CTNNA2: variants seen among roughly 807,000 people sequenced by gnomAD.
CTNNA2 encodes catenin alpha 2, also known as catenin alpha-2.
In CTNNA2, 42 loss-of-function variants were observed where a neutral mutation model predicts 101.0. The ratio of observed to expected loss-of-function variants is 0.42; its 90% CI spans 0.32 to 0.54. The LOEUF (loss-of-function observed/expected upper bound fraction) is 0.54, where lower values mean the gene tolerates loss of function less well. Among genes scored for constraint, CTNNA2 ranks in the 20% least tolerant of loss-of-function variants. CTNNA2 has a pLI of 0.14. For synonymous variants in CTNNA2, 450 were observed against 456.4 expected, an observed-to-expected ratio of 0.99 and a Z score of 0.18; for missense variants, 871 against 1,223.1, an observed-to-expected ratio of 0.71 and a Z score of 4.29.
At chr2:80,615,791 A>G (rs573967007) in intron 17 of CTNNA2, among the ~76,000 whole-genome samples, 9 of 151,664 alleles carry the variant, frequency 5.9e-5, no homozygotes, top group Non-Finnish European at 1.0e-4. Context: ...GAAAAGAAAT[A>G]TGTGCCACTT....
At chr2:79,643,885 T>C (rs541183219) in intron 1 of CTNNA2, among the ~76,000 whole-genome samples, 1 of 152,132 alleles carries the variant, frequency 6.6e-6, no homozygotes, top group Non-Finnish European at 1.5e-5. Context: ...TTTTCCATGC[T>C]TTTTATGTGG....
At chr2:79,503,281 AC>A (rs1301239461) in intron 4 of CTNNA2, among the ~76,000 whole-genome samples, 9 of 152,210 alleles carry the variant, frequency 5.9e-5, no homozygotes, top group African/African-American at 2.2e-4. Context: ...TTAGGGTAAA[AC>A]AATATCATAT....
At chr2:80,149,023 AT>A (rs34431691) in intron 7 of CTNNA2, among the ~76,000 whole-genome samples, 10,030 of 124,758 alleles carry the variant, frequency 0.08, 546 homozygotes, top group African/African-American at 0.16. Context: ...TTATTTTGTT[AT>A]TTTTTTTTTT....
intron 2 of CTNNA2, among the ~76,000 whole-genome samples, chr2:79,239,954 T>C (rs968432335): frequency 2.7e-5 from 4 of 149,132 alleles, no homozygotes; most frequent in African/African-American, 7.4e-5. Flanking sequence ...TTTTTTGAGA[T>C]GGAGTTTCAC....
chr2:80,039,731 C>A lies in CTNNA2; in HGVS notation c.1056+129934C>A, dbSNP rs563239612. 2.6e-5 allele frequency among the ~76,000 whole-genome samples: 4 copies of A among 152,228 alleles called. No homozygotes were observed. In the South Asian group the frequency reaches 8.3e-4, roughly 32 times the overall value. On this transcript the variant is annotated intron_variant, in intron 7 of 18. Transcript: ENST00000402739. ...TTCATTGGCTTCTGTTGCTTCTCTG[C>A]CAGGAAGATACAGTTTCCTATGCAT...
intron 3 of CTNNA2, among the ~76,000 whole-genome samples, chr2:79,807,843 G>A (rs56392910): frequency 6.6e-6 from 1 of 152,116 alleles, no homozygotes; most frequent in African/African-American, 2.4e-5. Context: ...GAAAATTATA[G>A]TCTTCTAGTA....
chr2:80,153,840 A>C (rs1703847880), intron 7 of CTNNA2, among the ~76,000 whole-genome samples: 1 of 152,236 alleles, frequency 6.6e-6, no homozygotes, highest in Non-Finnish European at 1.5e-5. Flanking sequence ...AATGAATAGT[A>C]GTATTATTAC....
chr2:79,441,184 T>A (rs544463168), intron 4 of CTNNA2, among the ~76,000 whole-genome samples: 3 of 152,206 alleles, frequency 2.0e-5, no homozygotes, highest in Admixed American at 2.0e-4. Flanking sequence ...TAGATTGTCC[T>A]ATACAAGGAA....
At chr2:80,523,289 G>T (rs552980269) in intron 9 of CTNNA2, among the ~76,000 whole-genome samples, 4 of 152,130 alleles carry the variant, frequency 2.6e-5, no homozygotes, top group Non-Finnish European at 5.9e-5. Flanking sequence ...TGCAACAAAG[G>T]CTGAGTAAAT....
chr2:79,843,991 G>A (rs1028246900), intron 3 of CTNNA2, among the ~76,000 whole-genome samples: 1 of 152,196 alleles, frequency 6.6e-6, no homozygotes, highest in Admixed American at 6.5e-5. Context: ...ACCTATGTGG[G>A]AAGTTAAATT....
At chr2:79,626,651 G>GTA (rs1426326349) in intron 1 of CTNNA2, among the ~76,000 whole-genome samples, 1 of 147,424 alleles carries the variant, frequency 6.8e-6, no homozygotes, top group Non-Finnish European at 1.5e-5. Flanking sequence ...GTGTGTGTGT[G>GTA]TGTGTCGAGT....
intron 2 of CTNNA2, among the ~76,000 whole-genome samples, chr2:79,303,842 C>T (rs1328416325): frequency 1.3e-5 from 2 of 151,838 alleles, no homozygotes; most frequent in Admixed American, 6.6e-5. Flanking sequence ...GGGACACACA[C>T]TTAACAAGCA....
chr2:79,823,563 A>G (rs1196714734), intron 3 of CTNNA2, among the ~76,000 whole-genome samples: 5 of 152,136 alleles, frequency 3.3e-5, no homozygotes, highest in African/African-American at 4.8e-5. Context: ...CCAACCCATC[A>G]CATGGACTAC....
chr2:80,269,325 C>T (rs551552080), intron 7 of CTNNA2, among the ~76,000 whole-genome samples: 1 of 152,298 alleles, frequency 6.6e-6, no homozygotes, highest in East Asian at 1.9e-4. Flanking sequence ...GCTCAGCAAT[C>T]ATTCTTCTCT....
chr2:80,233,952 A>C (rs1431193072), intron 7 of CTNNA2, among the ~76,000 whole-genome samples: 1 of 152,196 alleles, frequency 6.6e-6, no homozygotes. Context: ...AGTGGTAAAT[A>C]AAATATGTGT....
intron 7 of CTNNA2, among the ~76,000 whole-genome samples, chr2:79,982,192 C>CTATATATATATATATATATATATA (rs70940064): frequency 1.3e-5 from 1 of 75,074 alleles, no homozygotes. Context: ...GCATGTGCCA[C>CTATATATATATATATATATATATA]TATATATATA....
intron 1 of CTNNA2, among the ~76,000 whole-genome samples, chr2:79,644,423 G>A (rs751588674): frequency 6.6e-6 from 1 of 152,152 alleles, no homozygotes; most frequent in African/African-American, 2.4e-5. Flanking sequence ...AAAGGCCACC[G>A]ATTGGTAACC....
intron 3 of CTNNA2, among the ~76,000 whole-genome samples, chr2:79,762,885 G>A (rs1440714278): frequency 1.3e-5 from 2 of 152,126 alleles, no homozygotes; most frequent in East Asian, 1.9e-4. Flanking sequence ...TTATGGTGGC[G>A]ATTTTGATTT....
At chr2:80,005,513 C>T (rs1180243923) in intron 7 of CTNNA2, among the ~76,000 whole-genome samples, 1 of 152,132 alleles carries the variant, frequency 6.6e-6, no homozygotes, top group African/African-American at 2.4e-5. Flanking sequence ...TCATTTGTTT[C>T]ACTCACCTGC....
Sources: gnomAD v4.1 joint callset for allele counts (sites outside exome capture counted in the v4.1 genomes callset) on GRCh38, gnomAD v4.1.1 for gene constraint, MANE v1.5 for transcripts, NCBI Gene and HGNC (gene_info 2026-07-23, HGNC 2026-07-21) for gene names.